The following CSMD1 variants were observed in gnomAD, a reference collection of about 807,000 sequenced individuals.
CSMD1 encodes CUB and Sushi multiple domains 1, also known as CUB and sushi domain-containing protein 1.
Under a neutral mutation model 417.5 loss-of-function variants are expected in CSMD1, and 213 were observed. The ratio of observed to expected loss-of-function variants is 0.51; its 90% CI spans 0.46 to 0.57. CSMD1 has a LOEUF of 0.57. Among genes scored for constraint, CSMD1 ranks in the 20% least tolerant of loss-of-function variants. The pLI is 0.00. For missense variants in CSMD1, 6,923 were observed against 4,529.7 expected (o/e 1.53, Z -15.17); for synonymous variants, 2,862 against 1,736.8 (o/e 1.65, Z -16.11).
In CSMD1 at chr8:3,983,178, T is replaced by G. The variant is rs952033655; in HGVS notation, c.818+14725A>C. 2.0e-5 allele frequency among the ~76,000 whole-genome samples: 3 copies of G among 148,506 alleles called. No homozygotes were observed. The East Asian group carries it at 5.9e-4, about 29-fold the overall frequency. ...CGGACTCTCGCTCTGTCACCCAGGC[T>G]GGAGTGCAGTGGCGCGATCTCAGCT... is the stretch of plus-strand genomic sequence containing the variant. On this transcript the variant is annotated intron_variant, in intron 5 of 69. Coordinates refer to ENST00000635120, the MANE Select transcript of CSMD1 (RefSeq NM_033225.6).
At chr8:4,647,396 TCTGTTAGGTAGGTACGCGTGTGCCACGGC>T (rs1563366408) in intron 1 of CSMD1, among the ~76,000 whole-genome samples, 27 of 85,470 alleles carry the variant, frequency 3.2e-4, no homozygotes, top group African/African-American at 1.1e-3. Context: ...GCCACGGAGG[TCTGTTAGGTAGGTACGCGTGTGCCACGGC>T]GGCCTGCTAC....
chr8:4,309,626 G>GGAA (rs1229632408), intron 3 of CSMD1, among the ~76,000 whole-genome samples: 1 of 151,990 alleles, frequency 6.6e-6, no homozygotes, highest in Non-Finnish European at 1.5e-5. Context: ...AACTCCCTTG[G>GGAA]GAAGGGGCAT....
At chr8:3,173,858 T>A (rs533344484) in intron 37 of CSMD1, among the ~76,000 whole-genome samples, 10 of 152,312 alleles carry the variant, frequency 6.6e-5, no homozygotes, top group East Asian at 3.9e-4. Context: ...AATGTGCTTA[T>A]AAGGATTATT....
Position 4,109,801 on chromosome 8 carries a change from C to A in CSMD1, c.416-77702G>T, listed in dbSNP as rs114882993. 7.3e-3 allele frequency among the ~76,000 whole-genome samples: 1,110 copies of A among 152,056 alleles called. 18 individuals carry two copies. The highest frequency in any genetic ancestry group is 0.025 in the African/African-American group (1,052 of 41,520). On this transcript the variant is annotated intron_variant, in intron 3 of 69. Transcript: ENST00000635120. ...TGTGGTCATTGACTGAGAGACTAAACAAAAAGGGTGTTACCATAAATACTT... is the reference window on the plus strand; with the variant it reads ...TGTGGTCATTGACTGAGAGACTAAAAAAAAAGGGTGTTACCATAAATACTT...
intron 1 of CSMD1, among the ~76,000 whole-genome samples, chr8:4,822,569 T>G (rs1264705674): frequency 6.6e-6 from 1 of 152,134 alleles, no homozygotes; most frequent in Admixed American, 6.5e-5. Flanking sequence ...GGAAAAATTT[T>G]TACATTTTTA....
At chr8:4,732,179 T>G (rs1051345201) in intron 1 of CSMD1, among the ~76,000 whole-genome samples, 3 of 152,150 alleles carry the variant, frequency 2.0e-5, no homozygotes, top group Non-Finnish European at 4.4e-5. Flanking sequence ...AAGCGTTCGG[T>G]AGCAGACCGC....
At chr8:3,827,903 A>G (rs189117762) in intron 5 of CSMD1, among the ~76,000 whole-genome samples, 4 of 152,208 alleles carry the variant, frequency 2.6e-5, no homozygotes, top group Non-Finnish European at 5.9e-5. Flanking sequence ...CACTCAAAGG[A>G]AACAATATAG....
At chr8:3,820,871 C>T (rs1157014410) in intron 5 of CSMD1, among the ~76,000 whole-genome samples, 2 of 151,924 alleles carry the variant, frequency 1.3e-5, no homozygotes, top group African/African-American at 4.8e-5. Context: ...GGTCACAATG[C>T]CTTCTTCGGA....
intron 26 of CSMD1, among the ~76,000 whole-genome samples, chr8:3,247,206 A>G (rs938489379): frequency 3.3e-5 from 5 of 152,136 alleles, no homozygotes; most frequent in African/African-American, 1.2e-4. Flanking sequence ...TTGATATGTA[A>G]AAGTCCTCAT....
At chr8:4,578,666 T>A (rs1799259620) in intron 2 of CSMD1, among the ~76,000 whole-genome samples, 1 of 150,942 alleles carries the variant, frequency 6.6e-6, no homozygotes, top group Admixed American at 6.6e-5. Context: ...AATACAAAAA[T>A]TAGCTGGACA....
intron 2 of CSMD1, among the ~76,000 whole-genome samples, chr8:4,603,320 TTTA>T (rs1800694251): frequency 6.6e-6 from 1 of 152,058 alleles, no homozygotes; most frequent in South Asian, 2.1e-4. Flanking sequence ...TCAACTCTAT[TTTA>T]TTAAGAATTC....
chr8:3,649,077 G>C (rs538588830), intron 7 of CSMD1, among the ~76,000 whole-genome samples: 6 of 152,102 alleles, frequency 3.9e-5, no homozygotes, highest in African/African-American at 7.2e-5. Context: ...GTTTTTTCTG[G>C]TCTTTCTCTA....
chr8:4,241,439 T>C (rs1306532929), intron 3 of CSMD1, among the ~76,000 whole-genome samples: 3 of 152,196 alleles, frequency 2.0e-5, no homozygotes, highest in Admixed American at 6.5e-5. Flanking sequence ...CACTTTATTA[T>C]CTCAGTCACT....
At chr8:3,134,314 C>A (rs1817957422) in intron 41 of CSMD1, among the ~76,000 whole-genome samples, 1 of 152,210 alleles carries the variant, frequency 6.6e-6, no homozygotes, top group African/African-American at 2.4e-5. Flanking sequence ...AACCATGACC[C>A]TGGATCTGCA....
chr8:3,620,484 A>T (rs961914020), intron 7 of CSMD1, among the ~76,000 whole-genome samples: 2 of 152,226 alleles, frequency 1.3e-5, no homozygotes, highest in African/African-American at 2.4e-5. Flanking sequence ...TAATAGTTAC[A>T]TTATATATAA....
intron 12 of CSMD1, among the ~76,000 whole-genome samples, chr8:3,427,552 T>C (rs1222306722): frequency 3.3e-5 from 5 of 152,204 alleles, no homozygotes; most frequent in African/African-American, 1.2e-4. Flanking sequence ...AATATAGGTG[T>C]ATGGAAATAA....
chr8:4,328,087 T>C (rs948964971), intron 3 of CSMD1, among the ~76,000 whole-genome samples: 1 of 152,146 alleles, frequency 6.6e-6, no homozygotes, highest in Non-Finnish European at 1.5e-5. Context: ...ACATGATATG[T>C]AACAGAAACT....
chr8:4,503,257 A>G (rs542458649), intron 2 of CSMD1, among the ~76,000 whole-genome samples: 2 of 152,232 alleles, frequency 1.3e-5, no homozygotes, highest in South Asian at 2.1e-4. Flanking sequence ...GCACTTTGCC[A>G]TGGCAGCCTG....
At chr8:4,978,218 G>C (rs1008003958) in intron 1 of CSMD1, among the ~76,000 whole-genome samples, 5 of 152,158 alleles carry the variant, frequency 3.3e-5, no homozygotes, top group African/African-American at 9.7e-5. Context: ...CACAGATAGA[G>C]ACCCAACCTT....
Sources: allele counts gnomAD v4.1 joint callset (sites outside exome capture counted in the v4.1 genomes callset), GRCh38; gene constraint gnomAD v4.1.1; transcripts MANE v1.5; gene names NCBI Gene and HGNC (gene_info 2026-07-23, HGNC 2026-07-21).